Variants in DGKZ observed in about 807,000 individuals in gnomAD.
DGKZ encodes the protein diacylglycerol kinase zeta.
DGKZ carries 45 observed loss-of-function variants against 142.5 expected under a neutral mutation model. That is an observed-to-expected ratio of 0.32 (90% CI 0.25 to 0.40). DGKZ has a LOEUF of 0.40. Among genes scored for constraint, DGKZ ranks in the 10% least tolerant of loss-of-function variants. The pLI is 1.00. For missense variants in DGKZ, 755 were observed against 1,306.5 expected, an observed-to-expected ratio of 0.58 and a Z score of 6.51; for synonymous variants, 442 against 527.0, an observed-to-expected ratio of 0.84 and a Z score of 2.21.
At chr11:46,375,796 G>T in intron 20 of DGKZ, 55 bp from the exon 21 acceptor site, 1 of 1,538,628 alleles carries the variant, frequency 6.5e-7, no homozygotes. Context: ...CAGGCCGAGG[G>T]TGGCACCAAG....
intron 1 of DGKZ, among the ~76,000 whole-genome samples, chr11:46,340,630 G>A (rs765936722): frequency 6.6e-6 from 1 of 152,172 alleles, no homozygotes. Context: ...CATGACTTTC[G>A]TGAAGCTACC....
In DGKZ at chr11:46,379,908, C is replaced by G. The variant is rs1181043109; in HGVS notation, c.2766C>G (p.Tyr922Ter). The G allele has an allele frequency of 5.6e-6, 9 of 1,608,384 alleles. No individual in the cohort carries two copies. The highest frequency in any genetic ancestry group is 7.6e-6 in the Non-Finnish European group (9 of 1,178,396). ...CCTACCTGGAGAACCGGCAGCACTA[C>G]CAGATGATCCAGCGGGAGGACCAGG... The change falls in exon 31 of 31, where the codon TAC becomes TAG. Residue 922 changes from tyrosine (Y) to a stop codon, truncating the protein, a stop_gained. Transcript: ENST00000527911. LOFTEE classifies it high-confidence loss of function.
At chr11:46,353,499 C>A (rs1252634014) in intron 1 of DGKZ, among the ~76,000 whole-genome samples, 1 of 152,140 alleles carries the variant, frequency 6.6e-6, no homozygotes, top group Non-Finnish European at 1.5e-5. Flanking sequence ...CTGGGAGAGA[C>A]CCTTGGTAAA....
intron 1 of DGKZ, among the ~76,000 whole-genome samples, chr11:46,356,619 G>T (rs1008603032): frequency 6.6e-6 from 1 of 152,116 alleles, no homozygotes; most frequent in East Asian, 1.9e-4. Context: ...CGGATGCCAC[G>T]TGGTGCCACG....
At chr11:46,373,099 C>T (rs919597073) in exon 14 of DGKZ, 6 of 1,542,740 alleles carry the variant, frequency 3.9e-6, no homozygotes, top group Admixed American at 2.1e-5. Flanking sequence ...CGCCACCGAC[C>T]GGGTAAGTTG....
rs545919009 is a variant in DGKZ, at chr11:46,379,626, C to A, written c.2688+58C>A. On this transcript the variant is annotated intron_variant, in intron 30 of 30. Transcript: ENST00000527911. ...GCACCAACCAAACCTTTCCCAAGGT[C>A]CTAGGCGGGAGCTGGGGCTGGGGGC... The A allele has an allele frequency of 1.5e-4, 221 of 1,472,890 alleles. 1 individual carries two copies. The East Asian group carries it at 3.6e-3, about 24-fold the overall frequency. 91.2% of individuals were successfully genotyped at this position (1,472,890 alleles called of 1,614,324 possible). A position where few individuals can be genotyped will look rare whatever the true frequency, so the allele number is the denominator to read the frequency against.
intron 1 of DGKZ, among the ~76,000 whole-genome samples, chr11:46,335,319 A>T (rs1253320942): frequency 2.0e-5 from 3 of 152,202 alleles, no homozygotes; most frequent in Non-Finnish European, 2.9e-5. Flanking sequence ...TCAAAAAAAA[A>T]AAAAAATCAC....
chr11:46,378,840 G>C (rs1944870650), intron 27 of DGKZ, 151 bp from the exon 28 acceptor site: 1 of 1,297,180 alleles, frequency 7.7e-7, no homozygotes, highest in Non-Finnish European at 1.0e-6. Context: ...GTGTGCTCCA[G>C]AGAGACCCAC....
chr11:46,348,486 G>T (rs1258488118), intron 1 of DGKZ, among the ~76,000 whole-genome samples: 1 of 152,188 alleles, frequency 6.6e-6, no homozygotes, highest in African/African-American at 2.4e-5. Flanking sequence ...TGCTAGGCAG[G>T]CAGCATGTCT....
intron 1 of DGKZ, among the ~76,000 whole-genome samples, chr11:46,351,670 T>C (rs1265186419): frequency 6.6e-6 from 1 of 152,216 alleles, no homozygotes; most frequent in Admixed American, 6.5e-5. Context: ...CCCAGGTTGC[T>C]GTGAGAGGCA....
Position 46,372,720 on chromosome 11 carries a change from T to G in DGKZ, c.1071+43T>G. On this transcript the variant is annotated intron_variant, in intron 12 of 30. Transcript: ENST00000527911. This position sits in a 1 kb window ranked among gnomAD's most constrained non-coding sequence, Gnocchi z 5.9. ...GCCAGCCGAGCACCAGGGCTGGGCC[T>G]GAAGCCGGGGTCCCTGTGGGCCTGA... 1 of 1,611,720 alleles carries G rather than the reference T, an allele frequency of 6.2e-7. No individual in the cohort carries two copies.
rs567180266 is a variant in DGKZ at position 46,338,420 on chromosome 11, C to T, written c.212+4933C>T. The stretch of plus-strand genomic sequence containing the variant: ...CTGAGGCAGGAGAATCGCTTGAACC[C>T]GGTAGGCAAAGGTTGCAGTAAGCCA... On this transcript the variant is annotated intron_variant, in intron 1 of 30. Transcript: ENST00000343674. Among the ~76,000 whole-genome samples, 3 of 143,714 alleles carry T rather than the reference C, an allele frequency of 2.1e-5. No homozygotes were observed. The South Asian group carries it at 6.8e-4, about 33-fold the overall frequency. The allele number at this position is 143,714 out of a possible 152,430, so 94.3% of individuals were successfully genotyped here.
chr11:46,369,801 A>T, intron 5 of DGKZ, 140 bp from the exon 6 acceptor site: 1 of 965,782 alleles, frequency 1.0e-6, no homozygotes, highest in Non-Finnish European at 1.6e-6. Flanking sequence ...CCATGAAGAG[A>T]GTCTTTAGCC....
chr11:46,341,321 A>G (rs1940266377), intron 1 of DGKZ, among the ~76,000 whole-genome samples: 1 of 152,216 alleles, frequency 6.6e-6, no homozygotes, highest in Non-Finnish European at 1.5e-5. Context: ...AAGGTTCAAG[A>G]ATTTTGTAAG....
At chr11:46,348,704 G>A (rs984281393) in intron 1 of DGKZ, among the ~76,000 whole-genome samples, 1 of 152,226 alleles carries the variant, frequency 6.6e-6, no homozygotes, top group Non-Finnish European at 1.5e-5. Context: ...CATGGCAAGT[G>A]TGCTGCTCTT....
At chr11:46,365,807 C>G in intron 1 of DGKZ, 1 of 985,436 alleles carries the variant, frequency 1.0e-6, no homozygotes, top group South Asian at 4.7e-5. Flanking sequence ...TGGGCCCCAC[C>G]GTCCATCCAG....
intron 27 of DGKZ, 177 bp downstream of exon 27, chr11:46,378,677 C>T: frequency 1.1e-6 from 1 of 944,446 alleles, no homozygotes; most frequent in Non-Finnish European, 1.7e-6. Flanking sequence ...CTGTCTAGGC[C>T]ACAATAGATG....
At chr11:46,333,212 G>A in exon 1 of DGKZ, 2 of 1,222,454 alleles carry the variant, frequency 1.6e-6, no homozygotes, top group Middle Eastern at 3.2e-4. Context: ...GGGCGGACTG[G>A]AGACTCGAAC....
intron 1 of DGKZ, among the ~76,000 whole-genome samples, chr11:46,359,793 T>C (rs1246782297): frequency 6.7e-5 from 10 of 150,002 alleles, no homozygotes; most frequent in Admixed American, 6.6e-4. Flanking sequence ...TTTTTTTGTA[T>C]TGTTAGTAGA....
Sources: gnomAD v4.1 joint callset for allele counts (sites outside exome capture counted in the v4.1 genomes callset) on GRCh38, gnomAD v4.1.1 for gene constraint, Gnocchi (gnomAD v3.1) non-coding constraint, MANE v1.5 for transcripts, NCBI Gene and HGNC (gene_info 2026-07-23, HGNC 2026-07-21) for gene names.